The following ARHGAP39 variants were observed in gnomAD, a reference collection of about 807,000 sequenced individuals.
The protein encoded by ARHGAP39 is Rho GTPase activating protein 39, also known as rho GTPase-activating protein 39.
Under a neutral mutation model 106.9 loss-of-function variants are expected in ARHGAP39, and 44 were observed. That is an observed-to-expected ratio of 0.41 (90% CI 0.32 to 0.53). ARHGAP39 has a LOEUF of 0.53. ARHGAP39 is among the 20% of genes least tolerant of loss of function. ARHGAP39 has a pLI of 0.21. For missense variants in ARHGAP39, 1,496 were observed against 1,577.3 expected (o/e 0.95, Z 0.87); for synonymous variants, 768 against 693.2 (o/e 1.11, Z -1.69).
At chr8:144,534,061 C>T in intron 8 of ARHGAP39, 68 bp downstream of exon 8, 1 of 1,566,930 alleles carries the variant, frequency 6.4e-7, no homozygotes, top group African/African-American at 1.3e-5. Flanking sequence ...GGCGGGGCTC[C>T]TGGGGCTGTC....
the ARHGAP39 span, among the ~76,000 whole-genome samples, chr8:144,691,845 G>A: frequency 1.3e-5 from 2 of 151,900 alleles, no homozygotes; most frequent in Non-Finnish European, 2.9e-5. Flanking sequence ...ATCGGGTGAG[G>A]GCCATTAAGC....
In ARHGAP39 at chr8:144,581,229, G is replaced by A; in HGVS notation, c.129C>T (p.Tyr43=). ...CGCACTCACCGGTGACCAGGTTGGC[G>A]TACATGCGCTCGCGGGTGCGCGGTT... The part of the protein sequence containing the change: ...IIEPRTRERM[Y]ANLVTGECVW... Residue 43 remains tyrosine, a synonymous_variant, in exon 3 of 12, where the codon TAC becomes TAT. Transcript: ENST00000377307. The A allele has an allele frequency of 1.3e-6, 2 of 1,555,216 alleles. No individual in the cohort carries two copies. Among genetic ancestry groups the A allele is most frequent in the Non-Finnish European group, 1.7e-6 (2 of 1,150,300 alleles).
At chr8:144,564,816 A>AG (rs1818331631) in intron 3 of ARHGAP39, among the ~76,000 whole-genome samples, 1 of 151,812 alleles carries the variant, frequency 6.6e-6, no homozygotes, top group Non-Finnish European at 1.5e-5. Context: ...TCTCTAAAAA[A>AG]AAAAAAAAAG....
At position 144,562,184 on chromosome 8, in the gene ARHGAP39, CCCAGTGGTTTCCATCGGGCT is replaced by C. The variant is rs1472754400; in HGVS notation, c.513-6561_513-6542del. Reference sequence around the variant, plus strand: ...CAGACCCCAGTGCTTTCCATCACATCCCAGTGGTTTCCATCGGGCTCCAGTGGTTTCCATTGGACTCACCC... The same window carrying C: ...CAGACCCCAGTGCTTTCCATCACATCCCAGTGGTTTCCATTGGACTCACCC... On this transcript the variant is annotated intron_variant, in intron 3 of 11. Coordinates refer to ENST00000377307, the MANE Select transcript of ARHGAP39 (RefSeq NM_025251.3). 3.4e-5 allele frequency among the ~76,000 whole-genome samples: 5 copies of C among 148,502 alleles called. No homozygotes were observed. In the East Asian group the frequency reaches 1.0e-3, roughly 31 times the overall value.
chr8:144,556,974 C>A (rs375718368), intron 3 of ARHGAP39, among the ~76,000 whole-genome samples: 6 of 138,966 alleles, frequency 4.3e-5, no homozygotes, highest in Non-Finnish European at 9.0e-5. Flanking sequence ...GTGGCAAAAG[C>A]CTGAACCTTC....
In ARHGAP39 at chr8:144,670,299, G is replaced by A. The variant is rs909644599; in HGVS notation, c.-82+15387C>T. Among the ~76,000 whole-genome samples the A allele has an allele frequency of 1.3e-4, 20 of 152,136 alleles. No homozygotes were observed. The highest frequency in any genetic ancestry group is 4.1e-4 in the South Asian group (2 of 4,820). ...GCTCGGACGCGTGCTAGAGTGTACC[G>A]GGAAGCAGGATCAGCACCTGGGACC... On this transcript the variant is annotated intron_variant, in intron 1 of 11. Coordinates refer to ENST00000377307, the MANE Select transcript of ARHGAP39 (RefSeq NM_025251.3). This position sits in a 1 kb window ranked among gnomAD's most constrained non-coding sequence, Gnocchi z 4.4.
chr8:144,553,269 C>CT (rs1817787031), intron 4 of ARHGAP39, among the ~76,000 whole-genome samples: 1 of 152,182 alleles, frequency 6.6e-6, no homozygotes, highest in Admixed American at 6.5e-5. Context: ...CTCTCACTGA[C>CT]TCCCCAAGGA....
intron 6 of ARHGAP39, 107 bp downstream of exon 6, chr8:144,545,142 C>A: frequency 1.8e-6 from 2 of 1,095,582 alleles, no homozygotes; most frequent in Non-Finnish European, 2.5e-6. Flanking sequence ...GAACCATGGC[C>A]CTGTGTGGAG....
At chr8:144,678,201 T>C (rs1248943146) in intron 1 of ARHGAP39, among the ~76,000 whole-genome samples, 1 of 151,382 alleles carries the variant, frequency 6.6e-6, no homozygotes, top group Non-Finnish European at 1.5e-5. Flanking sequence ...GCCCAGGAGA[T>C]GGAGGCTGCA....
At chr8:144,611,851 A>T (rs1820499599) in intron 1 of ARHGAP39, among the ~76,000 whole-genome samples, 1 of 152,256 alleles carries the variant, frequency 6.6e-6, no homozygotes, top group African/African-American at 2.4e-5. Flanking sequence ...CCCTGTCTCT[A>T]TAAAAAAATT....
intron 7 of ARHGAP39, among the ~76,000 whole-genome samples, chr8:144,534,663 G>T (rs1326020120): frequency 1.3e-5 from 2 of 152,212 alleles, no homozygotes; most frequent in East Asian, 3.8e-4. Flanking sequence ...GCTGGGGGAG[G>T]CAGGCACTGA....
intron 1 of ARHGAP39, among the ~76,000 whole-genome samples, chr8:144,607,710 CCAGA>C (rs1395421568): frequency 6.6e-6 from 1 of 152,212 alleles, no homozygotes; most frequent in East Asian, 1.9e-4. Flanking sequence ...TCTCCAAGTC[CCAGA>C]CAGATTGTGG....
chr8:144,629,713 G>C (rs1821014764), intron 1 of ARHGAP39, among the ~76,000 whole-genome samples: 1 of 152,226 alleles, frequency 6.6e-6, no homozygotes, highest in Non-Finnish European at 1.5e-5. Context: ...CCTGGGGCCA[G>C]ACCTGTGCTG....
In ARHGAP39 at chr8:144,547,124, C is replaced by T. The variant is rs375748134; in HGVS notation, c.1959+3G>A. The stretch of plus-strand genomic sequence containing the variant: ...AGCTCAGCCGCGCCCATTGGGCCCT[C>T]ACCTGTGAGGGGTGGAGGTAGGGCT... On this transcript the variant is annotated splice_donor_region_variant and intron_variant, in intron 5 of 11. Coordinates refer to ENST00000377307, the MANE Select transcript of ARHGAP39 (RefSeq NM_025251.3). The surrounding 1 kb of genome is among the most constrained non-coding windows in gnomAD (Gnocchi z 5.2). The T allele has an allele frequency of 3.8e-6, 6 of 1,583,294 alleles. No individual in the cohort carries two copies. In the African/African-American group the frequency reaches 8.1e-5, roughly 21 times the overall value.
intron 1 of ARHGAP39, among the ~76,000 whole-genome samples, chr8:144,627,734 G>T (rs1586625039): frequency 6.6e-6 from 1 of 152,070 alleles, no homozygotes; most frequent in South Asian, 2.1e-4. Flanking sequence ...CTTCAGCCTG[G>T]GCAACAGAGC....
intron 3 of ARHGAP39, among the ~76,000 whole-genome samples, chr8:144,563,789 TA>T (rs111877760): frequency 6.6e-6 from 1 of 151,344 alleles, no homozygotes; most frequent in Non-Finnish European, 1.5e-5. Flanking sequence ...ACCTTGTATC[TA>T]AAAAAAATAA....
chr8:144,564,814 A>T (rs1818331531), intron 3 of ARHGAP39, among the ~76,000 whole-genome samples: 1 of 151,134 alleles, frequency 6.6e-6, no homozygotes, highest in Admixed American at 6.6e-5. Flanking sequence ...GATCTCTAAA[A>T]AAAAAAAAAA....
chr8:144,557,574 G>A (rs1429285356), intron 3 of ARHGAP39, among the ~76,000 whole-genome samples: 1 of 140,764 alleles, frequency 7.1e-6, no homozygotes, highest in African/African-American at 2.6e-5. Flanking sequence ...AGTATTCAGC[G>A]GCAAAAGGCT....
intron 1 of ARHGAP39, among the ~76,000 whole-genome samples, chr8:144,657,752 CA>C (rs1187647035): frequency 3.0e-4 from 46 of 152,192 alleles, no homozygotes; most frequent in African/African-American, 1.1e-3. Flanking sequence ...ATAAGCTTCG[CA>C]AAACAGGCAA....
Sources: allele counts gnomAD v4.1 joint callset (sites outside exome capture counted in the v4.1 genomes callset), GRCh38; gene constraint gnomAD v4.1.1; non-coding constraint Gnocchi (gnomAD v3.1); transcripts MANE v1.5; gene names NCBI Gene and HGNC (gene_info 2026-07-23, HGNC 2026-07-21).